Variants in LIPA observed in about 807,000 individuals in gnomAD.
The protein encoded by LIPA is lysosomal acid lipase/cholesteryl ester hydrolase.
In LIPA, 26 loss-of-function variants were observed where a neutral mutation model predicts 40.6. The ratio of observed to expected loss-of-function variants is 0.64; its 90% CI spans 0.47 to 0.89. LIPA has a LOEUF of 0.89. Ranked by LOEUF, LIPA falls within the 40% of genes least tolerant of loss-of-function variation. LIPA has a pLI of 0.00. For synonymous variants in LIPA, 188 were observed against 168.4 expected (o/e 1.12, Z -0.90); for missense variants, 455 against 479.6 (o/e 0.95, Z 0.48).
intron 1 of LIPA, among the ~76,000 whole-genome samples, chr10:89,258,415 G>GA (rs1295475395): frequency 6.6e-6 from 1 of 151,864 alleles, no homozygotes; most frequent in Non-Finnish European, 1.5e-5. Context: ...ACCTATAAAA[G>GA]AAAAAATATC....
At chr10:89,359,675 C>T (rs1317181234) in intron 2 of LIPA, among the ~76,000 whole-genome samples, 5 of 152,188 alleles carry the variant, frequency 3.3e-5, no homozygotes, top group African/African-American at 1.2e-4. Flanking sequence ...GTGGGGTGCT[C>T]CTCCCAGAAA....
chr10:89,310,709 T>C (rs1013983199), intron 1 of LIPA, among the ~76,000 whole-genome samples: 15 of 152,280 alleles, frequency 9.9e-5, no homozygotes, highest in African/African-American at 3.6e-4. Context: ...CTGCTTTACA[T>C]ACAGGACTTA....
chr10:89,274,154 A>T (rs544176433), intron 1 of LIPA, among the ~76,000 whole-genome samples: 2 of 152,324 alleles, frequency 1.3e-5, no homozygotes, highest in Non-Finnish European at 2.9e-5. Flanking sequence ...AAAAGTGCAG[A>T]AGCTCACTGG....
At chr10:89,408,950 C>G (rs1182890116) in intron 2 of LIPA, among the ~76,000 whole-genome samples, 1 of 152,168 alleles carries the variant, frequency 6.6e-6, no homozygotes, top group Non-Finnish European at 1.5e-5. Context: ...TCGTAAACAT[C>G]TGTTGACCTG....
intron 1 of LIPA, chr10:89,306,917 G>C: frequency 6.2e-7 from 1 of 1,613,936 alleles, no homozygotes; most frequent in Non-Finnish European, 8.5e-7. Flanking sequence ...ACACGCTGTG[G>C]CTCATCTGAA....
At chr10:89,402,740 A>G (rs303211) in intron 2 of LIPA, 1,538,643 of 1,614,220 alleles carry the variant, frequency 0.95, 733,546 homozygotes, top group East Asian at 1. Context: ...GTGGAGGAAA[A>G]AATTATGAAC....
intron 1 of LIPA, among the ~76,000 whole-genome samples, chr10:89,271,034 A>T (rs898814119): frequency 6.6e-6 from 1 of 152,216 alleles, no homozygotes; most frequent in Non-Finnish European, 1.5e-5. Context: ...ATCACATGGA[A>T]GTGGTAAATG....
chr10:89,412,011 C>T (rs913953945), intron 2 of LIPA, among the ~76,000 whole-genome samples: 1 of 152,148 alleles, frequency 6.6e-6, no homozygotes, highest in Non-Finnish European at 1.5e-5. Flanking sequence ...ACAAATGGAA[C>T]CCCAAATGAG....
intron 9 of LIPA, 78 bp downstream of exon 9, chr10:89,215,860 C>T (rs1209440331): frequency 1.1e-6 from 1 of 929,016 alleles, no homozygotes; most frequent in African/African-American, 1.6e-5. Context: ...CTGAGCCTGG[C>T]CAGAATCCTG....
chr10:89,250,800 T>A (rs1420958807), intron 1 of LIPA, among the ~76,000 whole-genome samples: 1 of 152,166 alleles, frequency 6.6e-6, no homozygotes, highest in Non-Finnish European at 1.5e-5. Flanking sequence ...CTCAACATAC[T>A]AAGCCAAGCA....
At chr10:89,358,599 G>C (rs939053605) in intron 2 of LIPA, among the ~76,000 whole-genome samples, 3 of 152,158 alleles carry the variant, frequency 2.0e-5, no homozygotes, top group African/African-American at 7.2e-5. Flanking sequence ...CTATAAAAAA[G>C]AATGAAATCC....
chr10:89,388,953 G>A (rs1011050416), intron 2 of LIPA, among the ~76,000 whole-genome samples: 2 of 152,132 alleles, frequency 1.3e-5, no homozygotes, highest in African/African-American at 2.4e-5. Flanking sequence ...CATTTGCAAC[G>A]AAGAATTTCT....
At chr10:89,360,124 A>G (rs1844013466) in intron 2 of LIPA, among the ~76,000 whole-genome samples, 1 of 152,230 alleles carries the variant, frequency 6.6e-6, no homozygotes, top group Non-Finnish European at 1.5e-5. Context: ...ATCATAAAAC[A>G]TATGAGAATG....
At chr10:89,264,965 C>A (rs75060157) in intron 1 of LIPA, among the ~76,000 whole-genome samples, 4,487 of 152,298 alleles carry the variant, frequency 0.029, 119 homozygotes, top group Admixed American at 0.091. Context: ...CTAAGCAACC[C>A]TCAGCACCAT....
intron 2 of LIPA, chr10:89,405,061 A>C (rs1844508553): frequency 6.6e-6 from 1 of 152,260 alleles, no homozygotes; most frequent in Non-Finnish European, 1.5e-5. Flanking sequence ...TACTGTAATA[A>C]ACAGGCACAT....
intron 1 of LIPA, chr10:89,342,559 A>G (rs895694295): frequency 5.9e-5 from 9 of 152,060 alleles, no homozygotes; most frequent in African/African-American, 1.7e-4. Context: ...TTCTATGCAT[A>G]CCCTGGGTCC....
rs746740919 is a variant in LIPA at position 89,378,158 on chromosome 10, T to C, written c.61+34633A>G. ...ACCATGAGGTAAAGTCTTTCTCTGC[T>C]TCACTGACCTTATTTCTGCACACTT... On this transcript the variant is annotated intron_variant, in intron 2 of 8. Transcript: ENST00000371837. 3.1e-6 allele frequency: 5 copies of C among 1,613,480 alleles called. No homozygotes were observed. In the Admixed American group the frequency reaches 8.3e-5, roughly 27 times the overall value.
At chr10:89,383,846 A>G in intron 2 of LIPA, 1 of 1,614,232 alleles carries the variant, frequency 6.2e-7, no homozygotes, top group South Asian at 1.1e-5. Flanking sequence ...CCTGAATTCA[A>G]TACTGGGTAC....
chr10:89,272,567 G>A (rs181834288), intron 1 of LIPA, among the ~76,000 whole-genome samples: 1 of 152,178 alleles, frequency 6.6e-6, no homozygotes, highest in African/African-American at 2.4e-5. Context: ...ATACGTGCAT[G>A]TGTCTTTATA....
Sources: allele counts gnomAD v4.1 joint callset (sites outside exome capture counted in the v4.1 genomes callset), GRCh38; gene constraint gnomAD v4.1.1; transcripts MANE v1.5; gene names NCBI Gene and HGNC (gene_info 2026-07-23, HGNC 2026-07-21).